The following GALNT7 variants were observed in gnomAD, a reference collection of about 807,000 sequenced individuals.
GALNT7 encodes the protein N-acetylgalactosaminyltransferase 7.
A neutral mutation model predicts 82.1 loss-of-function variants in GALNT7; 60 were observed. That is an observed-to-expected ratio of 0.73 (90% CI 0.59 to 0.91). The LOEUF is 0.91. Among genes scored for constraint, GALNT7 ranks in the 40% least tolerant of loss-of-function variants. The pLI is 0.00. For synonymous variants in GALNT7, 243 were observed against 275.1 expected (o/e 0.88, Z 1.15); for missense variants, 660 against 804.2 (o/e 0.82, Z 2.17).
intron 1 of GALNT7, among the ~76,000 whole-genome samples, chr4:173,234,715 G>A (rs963474002): frequency 3.3e-5 from 5 of 152,138 alleles, no homozygotes; most frequent in African/African-American, 1.2e-4. Flanking sequence ...GGTCATGGAG[G>A]CAGATCCCTC....
chr4:173,214,859 T>C (rs1733390339), intron 1 of GALNT7, among the ~76,000 whole-genome samples: 1 of 152,032 alleles, frequency 6.6e-6, no homozygotes, highest in Non-Finnish European at 1.5e-5. Flanking sequence ...TTTTCCAAAA[T>C]GTTACTCAAA....
At position 173,171,221 on chromosome 4, in the gene GALNT7, G is replaced by A. The variant is rs1579872270; in HGVS notation, c.126+2260G>A. Among the ~76,000 whole-genome samples the A allele has an allele frequency of 2.0e-5, 3 of 152,260 alleles. No homozygotes were observed. In the South Asian group the frequency reaches 6.2e-4, roughly 32 times the overall value. On this transcript the variant is annotated intron_variant, in intron 1 of 11. Transcript: ENST00000265000. Reference sequence around the variant, plus strand: ...CTTCCTTTAATAAAGACTAACCTAGGAGCTTTTAAGGTACAGTGCTAGAAG... The same window carrying A: ...CTTCCTTTAATAAAGACTAACCTAGAAGCTTTTAAGGTACAGTGCTAGAAG...
chr4:173,277,190 CCTT>C (rs1735942602), intron 2 of GALNT7, among the ~76,000 whole-genome samples: 1 of 152,058 alleles, frequency 6.6e-6, no homozygotes, highest in South Asian at 2.1e-4. Flanking sequence ...ACTAGTTTAA[CCTT>C]AAACAAAAAA....
intron 2 of GALNT7, chr4:173,282,488 G>T (rs1006863532): frequency 6.6e-6 from 1 of 152,152 alleles, no homozygotes; most frequent in Non-Finnish European, 1.5e-5. Context: ...TGCCCCAACT[G>T]ATTTTTTCTT....
At chr4:173,297,317 A>G (rs1186795466) in intron 5 of GALNT7, among the ~76,000 whole-genome samples, 1 of 152,010 alleles carries the variant, frequency 6.6e-6, no homozygotes, top group Non-Finnish European at 1.5e-5. Flanking sequence ...AAGTACAGAA[A>G]CACATTTTCA....
intron 1 of GALNT7, among the ~76,000 whole-genome samples, chr4:173,180,548 G>A (rs1205638976): frequency 2.0e-5 from 3 of 152,028 alleles, no homozygotes; most frequent in Admixed American, 6.6e-5. Context: ...GACTGGTCTC[G>A]AACTTCTGAC....
intron 2 of GALNT7, among the ~76,000 whole-genome samples, chr4:173,278,749 C>G (rs1370968535): frequency 6.6e-6 from 1 of 152,112 alleles, no homozygotes; most frequent in African/African-American, 2.4e-5. Context: ...GGAATTATAT[C>G]CAGACTAAGA....
intron 1 of GALNT7, among the ~76,000 whole-genome samples, chr4:173,230,575 GAAATT>G (rs1483123765): frequency 2.0e-5 from 3 of 152,104 alleles, no homozygotes; most frequent in East Asian, 1.9e-4. Flanking sequence ...ATATAAATCA[GAAATT>G]AAATTAGGAA....
At chr4:173,297,684 A>G (rs1736767632) in intron 5 of GALNT7, 1 of 492,210 alleles carries the variant, frequency 2.0e-6, no homozygotes, top group Non-Finnish European at 3.4e-6. Flanking sequence ...ATTAGATATT[A>G]AAGTCCCCTA....
At chr4:173,311,187 G>A (rs1737368186) in intron 8 of GALNT7, among the ~76,000 whole-genome samples, 1 of 152,168 alleles carries the variant, frequency 6.6e-6, no homozygotes, top group Admixed American at 6.5e-5. Context: ...TCGAGATGGG[G>A]CAACACAGTG....
chr4:173,229,478 A>G (rs146123278), intron 1 of GALNT7, among the ~76,000 whole-genome samples: 48 of 152,318 alleles, frequency 3.2e-4, no homozygotes, highest in African/African-American at 8.9e-4. Flanking sequence ...AATTCTAGTT[A>G]AGGATATGAA....
At chr4:173,189,713 C>CT (rs1469489836) in intron 1 of GALNT7, among the ~76,000 whole-genome samples, 1 of 152,184 alleles carries the variant, frequency 6.6e-6, no homozygotes, top group African/African-American at 2.4e-5. Context: ...TCCCTTGCTC[C>CT]GAGGGAATTC....
At chr4:173,316,459 G>T (rs1276729665) in intron 9 of GALNT7, 1 of 151,990 alleles carries the variant, frequency 6.6e-6, no homozygotes, top group Non-Finnish European at 1.5e-5. Flanking sequence ...CAGACAAATT[G>T]TCTACTATGT....
intron 1 of GALNT7, among the ~76,000 whole-genome samples, chr4:173,170,909 T>C (rs1731840832): frequency 6.6e-6 from 1 of 152,218 alleles, no homozygotes; most frequent in African/African-American, 2.4e-5. Context: ...TGGGCCATAA[T>C]GCCCATTTCA....
chr4:173,282,342 C>T (rs568482540), intron 2 of GALNT7: 87 of 152,308 alleles, frequency 5.7e-4, no homozygotes, highest in African/African-American at 1.9e-3. Context: ...GCTAATTATA[C>T]GAAGAACAAA....
chr4:173,301,415 A>AT (rs1736931200), intron 6 of GALNT7, among the ~76,000 whole-genome samples: 1 of 152,182 alleles, frequency 6.6e-6, no homozygotes, highest in Non-Finnish European at 1.5e-5. Flanking sequence ...AAAGTGTCCA[A>AT]TTTAAGATCC....
chr4:173,191,798 A>G (rs1001968030), intron 1 of GALNT7, among the ~76,000 whole-genome samples: 4 of 152,178 alleles, frequency 2.6e-5, no homozygotes, highest in Non-Finnish European at 5.9e-5. Context: ...ATGAGTTTCC[A>G]TGACCCTTTG....
chr4:173,204,080 C>T (rs1365402666), intron 1 of GALNT7, among the ~76,000 whole-genome samples: 1 of 152,168 alleles, frequency 6.6e-6, no homozygotes, highest in Admixed American at 6.5e-5. Context: ...CTCCTTAATT[C>T]TGAAGCACAG....
intron 1 of GALNT7, among the ~76,000 whole-genome samples, chr4:173,190,907 T>G (rs543160213): frequency 2.3e-4 from 35 of 152,272 alleles, no homozygotes; most frequent in Non-Finnish European, 4.3e-4. Context: ...GGCAAAGATT[T>G]GTTACCAAAA....
Sources: allele counts gnomAD v4.1 joint callset (sites outside exome capture counted in the v4.1 genomes callset), GRCh38; gene constraint gnomAD v4.1.1; transcripts MANE v1.5; gene names NCBI Gene and HGNC (gene_info 2026-07-23, HGNC 2026-07-21).